The following PKHD1 variants were observed in gnomAD, a reference collection of about 807,000 sequenced individuals.
The protein encoded by PKHD1 is fibrocystin.
A neutral mutation model predicts 412.0 loss-of-function variants in PKHD1; 291 were observed. The ratio of observed to expected loss-of-function variants is 0.71; its 90% CI spans 0.64 to 0.78. The LOEUF (loss-of-function observed/expected upper bound fraction) is 0.78. Among genes scored for constraint, PKHD1 ranks in the 30% least tolerant of loss-of-function variants. PKHD1 has a pLI of 0.00. For synonymous variants in PKHD1, 1,777 were observed against 1,821.5 expected, an observed-to-expected ratio of 0.98 and a Z score of 0.62; for missense variants, 4,825 against 4,950.7, an observed-to-expected ratio of 0.97 and a Z score of 0.76.
intron 43 of PKHD1, among the ~76,000 whole-genome samples, chr6:51,897,095 T>C (rs1021043512): frequency 2.0e-5 from 3 of 151,986 alleles, no homozygotes; most frequent in Non-Finnish European, 4.4e-5. Context: ...CTCTGCAGGA[T>C]ATTATCCAGG....
intron 43 of PKHD1, among the ~76,000 whole-genome samples, chr6:51,895,290 C>T (rs941715952): frequency 1.3e-5 from 2 of 152,056 alleles, no homozygotes; most frequent in African/African-American, 2.4e-5. Flanking sequence ...TTCACGTATA[C>T]CCAGTTACCA....
chr6:52,071,874 C>T lies in PKHD1; in HGVS notation c.602+241G>A, dbSNP rs560857836. Among the ~76,000 whole-genome samples, 7 of 152,256 alleles carry T rather than the reference C, an allele frequency of 4.6e-5. No individual in the cohort carries two copies. In the South Asian group the frequency reaches 1.0e-3, roughly 23 times the overall value. Reference sequence around the variant, plus strand: ...AGCTTGGCCTATGGTAAGCCCCTAACAAGTATTAGCTATGTGTTTTCAAGG... The same window carrying T: ...AGCTTGGCCTATGGTAAGCCCCTAATAAGTATTAGCTATGTGTTTTCAAGG... On this transcript the variant is annotated intron_variant, in intron 8 of 66. Coordinates refer to ENST00000371117, the MANE Select transcript of PKHD1 (RefSeq NM_138694.4).
chr6:51,933,993 G>T, intron 37 of PKHD1, 117 bp downstream of exon 37: 1 of 755,992 alleles, frequency 1.3e-6, no homozygotes. Context: ...ATAGTGCCAT[G>T]CTCTAACTGA....
In PKHD1 at chr6:52,069,508, C is replaced by A. The variant is rs773601448; in HGVS notation, c.727G>T (p.Ala243Ser). 1.2e-6 allele frequency: 2 copies of A among 1,613,200 alleles called. No homozygotes were observed. Among genetic ancestry groups the A allele is most frequent in the South Asian group, 2.2e-5 (2 of 91,058 alleles). The change falls in exon 11 of 67, where the codon GCA (alanine) becomes TCA (serine). Residue 243 changes from alanine to serine, a missense_variant. Transcript: ENST00000371117. Reference protein sequence around the residue: ...NKGKSMVHKKAWLISAKQDLF... With the variant: ...NKGKSMVHKKSWLISAKQDLF... ...TCCTGTTTAGCACTGATCAGCCATG[C>A]CTTCTTGTGGACCATTGACCTTCGA...
intron 60 of PKHD1, among the ~76,000 whole-genome samples, chr6:51,732,218 T>G (rs933172478): frequency 6.6e-6 from 1 of 152,180 alleles, no homozygotes; most frequent in Non-Finnish European, 1.5e-5. Flanking sequence ...TCTGGATGGT[T>G]AATATTCAGT....
chr6:51,754,632 A>G lies in PKHD1; in HGVS notation c.8797+152T>C, dbSNP rs1582478066. Reference sequence around the variant, plus strand: ...AAAGCAACAAAATTAATGAGGGAATAGAGATAAGGCCACGTAGCATGAGTC... The same window carrying G: ...AAAGCAACAAAATTAATGAGGGAATGGAGATAAGGCCACGTAGCATGAGTC... On this transcript the variant is annotated intron_variant, in intron 56 of 66. Transcript: ENST00000371117. 8.9e-6 allele frequency: 6 copies of G among 674,090 alleles called. No individual in the cohort carries two copies. In the East Asian group the frequency reaches 1.6e-4, roughly 18 times the overall value. The allele number at this position is 674,090 out of a possible 1,614,324, so 41.8% of individuals were successfully genotyped here. A position where few individuals can be genotyped will look rare whatever the true frequency, so the allele number is the denominator to read the frequency against.
chr6:51,959,370 C>G (rs1011077111), intron 36 of PKHD1, among the ~76,000 whole-genome samples: 1 of 152,060 alleles, frequency 6.6e-6, no homozygotes, highest in African/African-American at 2.4e-5. Flanking sequence ...AAATCTCAGC[C>G]TCTTCCAACT....
chr6:51,631,948 T>C (rs1767976031), intron 65 of PKHD1, among the ~76,000 whole-genome samples: 1 of 150,650 alleles, frequency 6.6e-6, no homozygotes, highest in African/African-American at 2.4e-5. Context: ...TCTTTTTTTT[T>C]TTTTTTATTG....
chr6:51,757,656 G>A (rs1465597061), intron 55 of PKHD1, among the ~76,000 whole-genome samples: 3 of 151,934 alleles, frequency 2.0e-5, no homozygotes, highest in African/African-American at 4.8e-5. Flanking sequence ...TTGTATTCTT[G>A]TCTTCTGTGA....
At chr6:52,064,894 G>A (rs886384033) in intron 13 of PKHD1, 61 bp downstream of exon 13, 20 of 735,928 alleles carry the variant, frequency 2.7e-5, no homozygotes, top group Middle Eastern at 2.5e-4. Flanking sequence ...ATTTCTACTC[G>A]CCAGCCCATC....
At chr6:51,886,052 T>C (rs1778164063) in intron 44 of PKHD1, 80 bp from the exon 45 acceptor site, 1 of 872,246 alleles carries the variant, frequency 1.1e-6, no homozygotes, top group African/African-American at 1.7e-5. Context: ...AAATACAAAG[T>C]AAAAGTAATG....
At chr6:51,980,718 T>A (rs765857813) in intron 35 of PKHD1, among the ~76,000 whole-genome samples, 6 of 152,242 alleles carry the variant, frequency 3.9e-5, no homozygotes, top group African/African-American at 7.2e-5. Context: ...GGAATACTTA[T>A]CAGACTATGA....
At chr6:51,636,587 C>T (rs556802773) in intron 64 of PKHD1, among the ~76,000 whole-genome samples, 1 of 152,190 alleles carries the variant, frequency 6.6e-6, no homozygotes, top group African/African-American at 2.4e-5. Flanking sequence ...CACACACACA[C>T]ACACAAAACA....
At chr6:51,684,102 G>A (rs913673186) in intron 60 of PKHD1, among the ~76,000 whole-genome samples, 5 of 152,090 alleles carry the variant, frequency 3.3e-5, no homozygotes, top group African/African-American at 1.2e-4. Context: ...TCAACCAACA[G>A]TTCTTATTTT....
intron 60 of PKHD1, among the ~76,000 whole-genome samples, chr6:51,714,137 C>T (rs756597018): frequency 7.2e-5 from 11 of 152,068 alleles, no homozygotes; most frequent in Non-Finnish European, 1.5e-4. Context: ...TTTGGGAGGC[C>T]GAGGTGGGCG....
chr6:51,690,511 A>G (rs917686606), intron 60 of PKHD1, among the ~76,000 whole-genome samples: 4 of 152,122 alleles, frequency 2.6e-5, no homozygotes, highest in African/African-American at 7.2e-5. Context: ...AAATAAGACC[A>G]CACACCTACA....
At chr6:51,760,440 T>A (rs186216950) in intron 55 of PKHD1, among the ~76,000 whole-genome samples, 146 of 152,240 alleles carry the variant, frequency 9.6e-4, no homozygotes, top group Admixed American at 3.5e-3. Flanking sequence ...TTACAAATCA[T>A]AAAATCACAT....
At chr6:51,848,073 G>T in intron 49 of PKHD1, 103 bp from the exon 50 acceptor site, 1 of 778,678 alleles carries the variant, frequency 1.3e-6, no homozygotes, top group Non-Finnish European at 2.3e-6. Context: ...AGAGAACGCA[G>T]ATGGAGTAGT....
At chr6:51,859,443 G>T (rs147679139) in intron 48 of PKHD1, among the ~76,000 whole-genome samples, 2 of 148,922 alleles carry the variant, frequency 1.3e-5, no homozygotes, top group Non-Finnish European at 3.0e-5. Context: ...GGAGAATGGC[G>T]TGAACCTGGG....
Sources: gnomAD v4.1 joint callset for allele counts (sites outside exome capture counted in the v4.1 genomes callset) on GRCh38, gnomAD v4.1.1 for gene constraint, MANE v1.5 for transcripts, NCBI Gene and HGNC (gene_info 2026-07-23, HGNC 2026-07-21) for gene names.